Variants in UNC13C observed in about 807,000 individuals in gnomAD.
UNC13C encodes the protein protein unc-13 homolog C.
In UNC13C, 174 loss-of-function variants were observed where a neutral mutation model predicts 245.4. The ratio of observed to expected loss-of-function variants is 0.71; its 90% CI spans 0.63 to 0.80. The LOEUF (loss-of-function observed/expected upper bound fraction) is 0.80, where lower values mean the gene tolerates loss of function less well. UNC13C is among the 30% of genes least tolerant of loss of function. The pLI is 0.00. For synonymous variants in UNC13C, 992 were observed against 895.1 expected, an observed-to-expected ratio of 1.11 and a Z score of -1.93; for missense variants, 2,829 against 2,602.9, an observed-to-expected ratio of 1.09 and a Z score of -1.89.
At chr15:54,207,818 G>A (rs1362183314) in intron 4 of UNC13C, among the ~76,000 whole-genome samples, 1 of 152,068 alleles carries the variant, frequency 6.6e-6, no homozygotes, top group Non-Finnish European at 1.5e-5. Context: ...TCAAATGTAA[G>A]CTTTATATGT....
chr15:54,571,103 G>T (rs1375074364), intron 30 of UNC13C, among the ~76,000 whole-genome samples: 1 of 152,066 alleles, frequency 6.6e-6, no homozygotes, highest in Non-Finnish European at 1.5e-5. Flanking sequence ...TGGTGGCATG[G>T]TGTCAAAAAT....
At chr15:54,249,468 A>T (rs74013548) in intron 7 of UNC13C, among the ~76,000 whole-genome samples, 3,845 of 152,236 alleles carry the variant, frequency 0.025, 157 homozygotes, top group African/African-American at 0.088. Context: ...ACTATGTTCC[A>T]GGGACAGTGA....
At chr15:54,331,795 A>T (rs776679988) in intron 14 of UNC13C, among the ~76,000 whole-genome samples, 1 of 152,090 alleles carries the variant, frequency 6.6e-6, no homozygotes, top group African/African-American at 2.4e-5. Flanking sequence ...ACTTTGTTAG[A>T]ACAGTTACAC....
Position 54,265,326 on chromosome 15 carries a change from G to A in UNC13C, c.3677-29G>A, listed in dbSNP as rs2036525990. On this transcript the variant is annotated intron_variant, in intron 9 of 32. Transcript: ENST00000260323. The stretch of plus-strand genomic sequence containing the variant: ...TTTTTTGTTTCTGAGGACTCTGTAT[G>A]TTAAAATGTTTATTTTGGTTTATTT... 5.7e-6 allele frequency: 8 copies of A among 1,413,596 alleles called. No homozygotes were observed. The African/African-American group carries it at 5.8e-5, about 10-fold the overall frequency. 87.6% of individuals were successfully genotyped at this position (1,413,596 alleles called of 1,614,324 possible).
At chr15:54,059,354 C>A (rs1463873293) in intron 2 of UNC13C, among the ~76,000 whole-genome samples, 1 of 152,112 alleles carries the variant, frequency 6.6e-6, no homozygotes, top group African/African-American at 2.4e-5. Context: ...TGAGTGAACT[C>A]CCATTCACAA....
chr15:54,202,817 G>T (rs905141011), intron 4 of UNC13C, among the ~76,000 whole-genome samples: 6 of 151,854 alleles, frequency 4.0e-5, no homozygotes, highest in Non-Finnish European at 7.4e-5. Context: ...ATAAATAGAT[G>T]GGACTTAATT....
At chr15:54,067,694 G>A (rs551489650) in intron 2 of UNC13C, among the ~76,000 whole-genome samples, 1 of 152,302 alleles carries the variant, frequency 6.6e-6, no homozygotes, top group East Asian at 1.9e-4. Context: ...TCTCTCTGAA[G>A]ATGCTAGGGG....
chr15:54,028,685 T>TTTA (rs367588612), intron 2 of UNC13C, among the ~76,000 whole-genome samples: 5 of 7,516 alleles, frequency 6.7e-4, no homozygotes, highest in Middle Eastern at 0.062. Flanking sequence ...CCTACAAGTC[T>TTTA]TTTTTTTTTT....
intron 17 of UNC13C, among the ~76,000 whole-genome samples, chr15:54,369,211 G>T (rs1246036782): frequency 6.7e-6 from 1 of 150,142 alleles, no homozygotes; most frequent in African/African-American, 2.5e-5. Context: ...AAAAAAAAAA[G>T]TTGAATGCTA....
chr15:54,127,899 T>G (rs1310979349), intron 2 of UNC13C, among the ~76,000 whole-genome samples: 1 of 151,316 alleles, frequency 6.6e-6, no homozygotes, highest in Non-Finnish European at 1.5e-5. Flanking sequence ...CTGTTCAACA[T>G]GTACTAGAAG....
At chr15:53,870,715 C>T in the UNC13C span, among the ~76,000 whole-genome samples, 2 of 152,204 alleles carry the variant, frequency 1.3e-5, no homozygotes, top group South Asian at 2.1e-4. Flanking sequence ...CTTCACAAGC[C>T]CTCTAAAAAG....
At chr15:53,957,806 G>C in the UNC13C span, among the ~76,000 whole-genome samples, 1 of 152,206 alleles carries the variant, frequency 6.6e-6, no homozygotes, top group African/African-American at 2.4e-5. Flanking sequence ...GTAGATGCTA[G>C]GAATAGTGCT....
At chr15:53,859,875 C>T in the UNC13C span, among the ~76,000 whole-genome samples, 19,234 of 151,952 alleles carry the variant, frequency 0.13, 1,385 homozygotes, top group Admixed American at 0.21. Context: ...TTTTCTCTAA[C>T]GGTTTTGGAC....
intron 4 of UNC13C, among the ~76,000 whole-genome samples, chr15:54,167,907 C>A (rs150156360): frequency 2.0e-5 from 3 of 152,126 alleles, no homozygotes; most frequent in Admixed American, 1.3e-4. Flanking sequence ...ATATGAAAAT[C>A]AAAGGCACCA....
At chr15:54,075,431 C>A (rs1348945912) in intron 2 of UNC13C, among the ~76,000 whole-genome samples, 1 of 55,964 alleles carries the variant, frequency 1.8e-5, no homozygotes, top group African/African-American at 7.9e-5. Context: ...TTGCAGTGAG[C>A]CGGAGCTTGC....
At position 54,247,747 on chromosome 15, in the gene UNC13C, G is replaced by A. The variant is rs1188682391; in HGVS notation, c.3229-2478G>A. 4.6e-5 allele frequency among the ~76,000 whole-genome samples: 7 copies of A among 150,858 alleles called. No homozygotes were observed. In the South Asian group the frequency reaches 1.5e-3, roughly 31 times the overall value. ...CCATTCAATTGCTTTTCAATGGGCT[G>A]TCTAGTAAATGTTTCATGTTTTTTT... On this transcript the variant is annotated intron_variant, in intron 7 of 32. Transcript: ENST00000260323.
intron 4 of UNC13C, among the ~76,000 whole-genome samples, chr15:54,220,667 C>T (rs1366647207): frequency 6.6e-6 from 1 of 151,650 alleles, no homozygotes; most frequent in Admixed American, 6.6e-5. Context: ...TATTGGTAGC[C>T]AAGCAAATGT....
chr15:54,553,316 A>T (rs535495090), intron 28 of UNC13C, among the ~76,000 whole-genome samples: 2 of 119,996 alleles, frequency 1.7e-5, no homozygotes, highest in South Asian at 2.4e-4. Context: ...ACAATATAGA[A>T]TATTATATAT....
At chr15:54,215,510 C>A (rs978162531) in intron 4 of UNC13C, among the ~76,000 whole-genome samples, 1 of 151,818 alleles carries the variant, frequency 6.6e-6, no homozygotes, top group African/African-American at 2.4e-5. Flanking sequence ...TTCAAAGGAA[C>A]AAAGGTTTGA....
Sources: allele counts gnomAD v4.1 joint callset (sites outside exome capture counted in the v4.1 genomes callset), GRCh38; gene constraint gnomAD v4.1.1; transcripts MANE v1.5; gene names NCBI Gene and HGNC (gene_info 2026-07-23, HGNC 2026-07-21).